The following SLC31A1 variants were observed in gnomAD, a reference collection of about 807,000 sequenced individuals.
SLC31A1 encodes solute carrier family 31 member 1, also known as high affinity copper uptake protein 1.
Under a neutral mutation model 17.2 loss-of-function variants are expected in SLC31A1, and 5 were observed. That is an observed-to-expected ratio of 0.29 (90% CI 0.15 to 0.61). SLC31A1 has a LOEUF of 0.61. Ranked by LOEUF, SLC31A1 falls within the 20% of genes least tolerant of loss-of-function variation. The pLI is 0.86. For missense variants in SLC31A1, 161 were observed against 241.4 expected (o/e 0.67, Z 2.21); for synonymous variants, 76 against 78.8 (o/e 0.96, Z 0.19).
chr9:113,226,505 AT>A (rs1831343792), intron 1 of SLC31A1, among the ~76,000 whole-genome samples: 1 of 152,078 alleles, frequency 6.6e-6, no homozygotes, highest in African/African-American at 2.4e-5. Flanking sequence ...GAGTAATATC[AT>A]TTTATGATTT....
rs1831410766 is a variant in SLC31A1, at chr9:113,232,394, A to T, written c.-36+10716A>T. Among the ~76,000 whole-genome samples, 5 of 152,306 alleles carry T rather than the reference A, an allele frequency of 3.3e-5. No homozygotes were observed. The South Asian group carries it at 1.0e-3, about 32-fold the overall frequency. On this transcript the variant is annotated intron_variant, in intron 1 of 4. Coordinates refer to ENST00000374212, the MANE Select transcript of SLC31A1 (RefSeq NM_001859.4). ...AGAAAGAAGCCAGAAACTTTAAAAC[A>T]TTTCAAAGAAAATGTGATACAGATG...
intron 1 of SLC31A1, among the ~76,000 whole-genome samples, chr9:113,240,178 C>T (rs911807638): frequency 2.6e-5 from 4 of 152,206 alleles, no homozygotes; most frequent in African/African-American, 9.6e-5. Context: ...ACCACTTACA[C>T]AAATGATAAT....
chr9:113,229,092 C>T lies in SLC31A1; in HGVS notation c.-36+7414C>T, dbSNP rs1013250157. On this transcript the variant is annotated intron_variant, in intron 1 of 4. Coordinates refer to ENST00000374212, the MANE Select transcript of SLC31A1 (RefSeq NM_001859.4). ...AACTCCTGACCTCAGGTGATCCGCC[C>T]GCCATGGCCTCCCAAAGTGCTGGGA... Among the ~76,000 whole-genome samples, 6 of 152,220 alleles carry T rather than the reference C, an allele frequency of 3.9e-5. No individual in the cohort carries two copies. The East Asian group carries it at 5.8e-4, about 15-fold the overall frequency.
intron 1 of SLC31A1, among the ~76,000 whole-genome samples, chr9:113,236,926 A>G (rs1272238642): frequency 6.7e-6 from 1 of 149,540 alleles, no homozygotes; most frequent in Admixed American, 6.6e-5. Flanking sequence ...TTTGAGAGTG[A>G]CAGCACTGTG....
At chr9:113,257,763 C>T in intron 3 of SLC31A1, among the ~76,000 whole-genome samples, 1 of 152,182 alleles carries the variant, frequency 6.6e-6, no homozygotes, top group African/African-American at 2.4e-5. Flanking sequence ...GCTGGGATTA[C>T]AGGCATGAGC....
intron 1 of SLC31A1, among the ~76,000 whole-genome samples, chr9:113,250,861 G>T (rs952874384): frequency 1.3e-5 from 2 of 152,010 alleles, no homozygotes; most frequent in Admixed American, 6.6e-5. Context: ...CCACTCTCAG[G>T]AGTGAGTGAG....
At chr9:113,253,114 C>T (rs1313483541) in intron 1 of SLC31A1, among the ~76,000 whole-genome samples, 1 of 152,014 alleles carries the variant, frequency 6.6e-6, no homozygotes, top group Non-Finnish European at 1.5e-5. Context: ...CCACCATGCC[C>T]GGCTAATTTT....
chr9:113,256,329 T>C, intron 2 of SLC31A1, 52 bp downstream of exon 2: 1 of 1,602,492 alleles, frequency 6.2e-7, no homozygotes, highest in Non-Finnish European at 8.5e-7. Flanking sequence ...ACTTGGGTAA[T>C]AGAAATAATG....
chr9:113,242,650 C>T (rs1006941510), intron 1 of SLC31A1, among the ~76,000 whole-genome samples: 1 of 152,140 alleles, frequency 6.6e-6, no homozygotes, highest in African/African-American at 2.4e-5. Context: ...TGTAATCCTC[C>T]CACCTCAGCC....
At chr9:113,250,807 G>T (rs1443272765) in intron 1 of SLC31A1, among the ~76,000 whole-genome samples, 1 of 152,004 alleles carries the variant, frequency 6.6e-6, no homozygotes, top group African/African-American at 2.4e-5. Flanking sequence ...GAACTGGTAG[G>T]CATTTGGGTC....
chr9:113,241,629 G>C (rs1831522556), intron 1 of SLC31A1, among the ~76,000 whole-genome samples: 1 of 152,130 alleles, frequency 6.6e-6, no homozygotes. Flanking sequence ...TCAATTTCAG[G>C]TGATCTACAT....
At chr9:113,235,338 G>A (rs1389359865) in intron 1 of SLC31A1, among the ~76,000 whole-genome samples, 2 of 152,156 alleles carry the variant, frequency 1.3e-5, no homozygotes, top group Non-Finnish European at 2.9e-5. Flanking sequence ...TGAGAAGAAT[G>A]TGACCAATCT....
chr9:113,243,466 A>G (rs956161392), intron 1 of SLC31A1, among the ~76,000 whole-genome samples: 4 of 152,124 alleles, frequency 2.6e-5, no homozygotes, highest in African/African-American at 7.2e-5. Flanking sequence ...CTGAGTTTGA[A>G]CAGCTTGATA....
intron 1 of SLC31A1, among the ~76,000 whole-genome samples, chr9:113,236,555 G>C (rs890056753): frequency 9.9e-5 from 15 of 150,930 alleles, no homozygotes; most frequent in African/African-American, 3.6e-4. Context: ...GTAGAGACAG[G>C]GTTTCACCGT....
chr9:113,235,151 C>G (rs1831441831), intron 1 of SLC31A1, among the ~76,000 whole-genome samples: 1 of 135,852 alleles, frequency 7.4e-6, no homozygotes, highest in Non-Finnish European at 1.6e-5. Flanking sequence ...AGAAAAAGAC[C>G]TCACAGAAAA....
rs1282361795 is a variant in SLC31A1, at chr9:113,252,946, C to CTTTTTTT, written c.-35-3167_-35-3161dup. Reference sequence around the variant, plus strand: ...CTGGCTAGCGAAAGTCTTTTCTTTTCTTTTTTTCTTTTTTTTTTTTTTTTT... The same window carrying CTTTTTTT: ...CTGGCTAGCGAAAGTCTTTTCTTTTCTTTTTTTTTTTTTTCTTTTTTTTTTTTTTTTT... On this transcript the variant is annotated intron_variant, in intron 1 of 4. Coordinates refer to ENST00000374212, the MANE Select transcript of SLC31A1 (RefSeq NM_001859.4). Among the ~76,000 whole-genome samples the CTTTTTTT allele has an allele frequency of 3.6e-4, 41 of 113,696 alleles. 1 individual carries two copies. The highest frequency in any genetic ancestry group is 1.0e-3 in the East Asian group (4 of 3,884). 74.6% of individuals were successfully genotyped at this position (113,696 alleles called of 152,430 possible).
Position 113,238,494 on chromosome 9 carries a change from G to T in SLC31A1, c.-36+16816G>T, listed in dbSNP as rs76366263. On this transcript the variant is annotated intron_variant, in intron 1 of 4. Coordinates refer to ENST00000374212, the MANE Select transcript of SLC31A1 (RefSeq NM_001859.4). ...CTGGATTTTAAGGCTGGGTGCGGTG[G>T]TTCACACCTTAAATCCCAGCACTTT... Among the ~76,000 whole-genome samples, 6 of 152,320 alleles carry T rather than the reference G, an allele frequency of 3.9e-5. No individual in the cohort carries two copies. In the South Asian group the frequency reaches 1.2e-3, roughly 32 times the overall value.
chr9:113,242,640 T>C (rs891741741), intron 1 of SLC31A1, among the ~76,000 whole-genome samples: 2 of 152,080 alleles, frequency 1.3e-5, no homozygotes, highest in Non-Finnish European at 2.9e-5. Context: ...CCTGGGCTCA[T>C]GTAATCCTCC....
chr9:113,254,897 T>C (rs527797555), intron 1 of SLC31A1, among the ~76,000 whole-genome samples: 1 of 152,204 alleles, frequency 6.6e-6, no homozygotes, highest in South Asian at 2.1e-4. Context: ...AAACTCTGTC[T>C]CAAAAATAAA....
Sources: gnomAD v4.1 joint callset for allele counts (sites outside exome capture counted in the v4.1 genomes callset) on GRCh38, gnomAD v4.1.1 for gene constraint, MANE v1.5 for transcripts, NCBI Gene and HGNC (gene_info 2026-07-23, HGNC 2026-07-21) for gene names.